The following KCNN2 variants were observed in gnomAD, a reference collection of about 807,000 sequenced individuals.
KCNN2 encodes the protein potassium calcium-activated channel subfamily N member 2.
KCNN2 carries 24 observed loss-of-function variants against 55.5 expected under a neutral mutation model. The ratio of observed to expected loss-of-function variants is 0.43; its 90% CI spans 0.31 to 0.61. The LOEUF (loss-of-function observed/expected upper bound fraction) is 0.61. Among genes scored for constraint, KCNN2 ranks in the 20% least tolerant of loss-of-function variants. The pLI, the probability that KCNN2 is intolerant of heterozygous loss-of-function variation, is 0.08. For missense variants in KCNN2, 754 were observed against 853.6 expected, an observed-to-expected ratio of 0.88 and a Z score of 1.45; for synonymous variants, 431 against 336.1, an observed-to-expected ratio of 1.28 and a Z score of -3.09.
chr5:114,169,480 G>C (rs1169905431), intron 1 of KCNN2, among the ~76,000 whole-genome samples: 1 of 152,120 alleles, frequency 6.6e-6, no homozygotes, highest in African/African-American at 2.4e-5. Context: ...GGCTGCAAAG[G>C]ATGAAGCAGA....
intron 3 of KCNN2, among the ~76,000 whole-genome samples, chr5:114,434,492 G>C (rs1466483967): frequency 6.6e-6 from 1 of 152,074 alleles, no homozygotes; most frequent in Non-Finnish European, 1.5e-5. Context: ...TGCTTGCTCT[G>C]TCTTCACACT....
chr5:114,469,697 G>T (rs1226755995), intron 4 of KCNN2, among the ~76,000 whole-genome samples: 13 of 152,160 alleles, frequency 8.5e-5, no homozygotes, highest in Admixed American at 8.5e-4. Flanking sequence ...TAGACACTGG[G>T]TGGACAATAA....
chr5:114,441,396 G>T (rs925948839), intron 3 of KCNN2, among the ~76,000 whole-genome samples: 4 of 152,114 alleles, frequency 2.6e-5, no homozygotes, highest in African/African-American at 9.7e-5. Context: ...AGCACGCATA[G>T]ACTGTTTCAG....
At chr5:114,433,324 G>A (rs1454550364) in intron 3 of KCNN2, among the ~76,000 whole-genome samples, 1 of 152,174 alleles carries the variant, frequency 6.6e-6, no homozygotes, top group Non-Finnish European at 1.5e-5. Flanking sequence ...GGGCCTTGGA[G>A]AACCTTTGTG....
At chr5:114,404,329 G>T in intron 2 of KCNN2, 109 bp from the exon 3 acceptor site, 1 of 813,070 alleles carries the variant, frequency 1.2e-6, no homozygotes, top group Non-Finnish European at 2.0e-6. Context: ...ATAACCTTTA[G>T]CTTGCCATGA....
intron 2 of KCNN2, among the ~76,000 whole-genome samples, chr5:114,332,590 A>T (rs1756845044): frequency 6.6e-6 from 1 of 152,108 alleles, no homozygotes; most frequent in Non-Finnish European, 1.5e-5. Flanking sequence ...TAAGATCTTG[A>T]TGTGGTCCTG....
chr5:114,059,939 A>G (rs1347606824), intron 1 of KCNN2, among the ~76,000 whole-genome samples: 1 of 152,218 alleles, frequency 6.6e-6, no homozygotes, highest in Non-Finnish European at 1.5e-5. Flanking sequence ...TGTTGGTACA[A>G]GTGGAGCCAT....
At chr5:114,092,299 A>G (rs1046926385) in intron 1 of KCNN2, among the ~76,000 whole-genome samples, 1 of 152,234 alleles carries the variant, frequency 6.6e-6, no homozygotes, top group Non-Finnish European at 1.5e-5. Flanking sequence ...CTTTGACTCC[A>G]TGTCTCACAT....
intron 1 of KCNN2, among the ~76,000 whole-genome samples, chr5:114,205,365 T>G (rs1753746935): frequency 6.6e-6 from 1 of 152,270 alleles, no homozygotes; most frequent in African/African-American, 2.4e-5. Flanking sequence ...TAATCTGATT[T>G]TTTAATATGC....
intron 3 of KCNN2, among the ~76,000 whole-genome samples, chr5:114,421,559 G>T (rs1759472064): frequency 6.6e-6 from 1 of 151,566 alleles, no homozygotes. Flanking sequence ...ATTCCTACCA[G>T]AAGTGTATAA....
At chr5:114,373,189 C>A (rs529911055) in intron 2 of KCNN2, among the ~76,000 whole-genome samples, 10 of 152,146 alleles carry the variant, frequency 6.6e-5, no homozygotes, top group Admixed American at 3.3e-4. Context: ...TCATTGAGTA[C>A]TGTGCTGTGT....
At chr5:114,068,141 A>C (rs1750489233) in intron 1 of KCNN2, among the ~76,000 whole-genome samples, 1 of 152,236 alleles carries the variant, frequency 6.6e-6, no homozygotes, top group African/African-American at 2.4e-5. Flanking sequence ...AGTAGTTTAC[A>C]AGTTTAAGTG....
Position 114,185,774 on chromosome 5 carries a change from A to G in KCNN2, c.-270-35706A>G, listed in dbSNP as rs571331762. Among the ~76,000 whole-genome samples, 3 of 152,248 alleles carry G rather than the reference A, an allele frequency of 2.0e-5. No homozygotes were observed. The East Asian group carries it at 5.8e-4, about 29-fold the overall frequency. ...AACAAAATTTGCATGATTGCTCAGA[A>G]TTCAAGGAATTTGACTAATGACAAG... On this transcript the variant is annotated intron_variant, in intron 1 of 10. Coordinates refer to the KCNN2 transcript ENST00000512097.
chr5:114,391,382 AT>A (rs891965162), intron 2 of KCNN2, among the ~76,000 whole-genome samples: 2 of 151,338 alleles, frequency 1.3e-5, no homozygotes, highest in Non-Finnish European at 1.5e-5. Flanking sequence ...TATTATTTTT[AT>A]TTTTTTTTGT....
intron 2 of KCNN2, among the ~76,000 whole-genome samples, chr5:114,276,227 C>T (rs1359244887): frequency 6.6e-6 from 1 of 152,078 alleles, no homozygotes; most frequent in African/African-American, 2.4e-5. Flanking sequence ...TTTACATTTG[C>T]TGAGGTGTGT....
chr5:114,135,550 A>C (rs1477356028), intron 1 of KCNN2, among the ~76,000 whole-genome samples: 2 of 152,196 alleles, frequency 1.3e-5, no homozygotes, highest in African/African-American at 4.8e-5. Context: ...CAACATCTAA[A>C]AATACCAATA....
chr5:114,162,018 T>C (rs1297208557), intron 1 of KCNN2, among the ~76,000 whole-genome samples: 1 of 152,230 alleles, frequency 6.6e-6, no homozygotes, highest in African/African-American at 2.4e-5. Context: ...AGTCATTCTC[T>C]GTCCAGCTTT....
chr5:114,185,873 G>A (rs1485924567), intron 1 of KCNN2, among the ~76,000 whole-genome samples: 1 of 152,160 alleles, frequency 6.6e-6, no homozygotes, highest in East Asian at 1.9e-4. Context: ...GTTGTATCTG[G>A]TTGAAAACTA....
intron 1 of KCNN2, among the ~76,000 whole-genome samples, chr5:114,151,914 G>A (rs62382867): frequency 0.054 from 8,197 of 152,206 alleles, 279 homozygotes; most frequent in Middle Eastern, 0.11. Flanking sequence ...TGTTAACACT[G>A]TACCTTTATA....
Sources: gnomAD v4.1 joint callset for allele counts (sites outside exome capture counted in the v4.1 genomes callset) on GRCh38, gnomAD v4.1.1 for gene constraint, MANE v1.5 for transcripts, NCBI Gene and HGNC (gene_info 2026-07-23, HGNC 2026-07-21) for gene names.